The following NIN variants were observed in gnomAD, a reference collection of about 807,000 sequenced individuals.
The protein encoded by NIN is glycogen synthase kinase 3 beta-interacting protein.
Under a neutral mutation model 257.6 loss-of-function variants are expected in NIN, and 137 were observed. The observed-to-expected ratio is 0.53, with a 90% CI of 0.46 to 0.61. NIN has a LOEUF of 0.61. Among genes scored for constraint, NIN ranks in the 20% least tolerant of loss-of-function variants. The probability of loss-of-function intolerance (pLI) is 0.00; values close to 1 mark genes in which losing one functional copy is unlikely to be tolerated. For synonymous variants in NIN, 918 were observed against 919.8 expected, an observed-to-expected ratio of 1.00 and a Z score of 0.04; for missense variants, 2,439 against 2,501.2, an observed-to-expected ratio of 0.98 and a Z score of 0.53.
chr14:50,761,772 T>C lies in NIN; in HGVS notation c.1896+18A>G, dbSNP rs755023703. 64 of 1,613,452 alleles carry C rather than the reference T, an allele frequency of 4.0e-5. 1 individual carries two copies. Among genetic ancestry groups the C allele is most frequent in the Middle Eastern group, 3.3e-4 (2 of 6,082 alleles). ...AGCCAAAAGAAATTAGAGAAGTGGA[T>C]TGGTGGGAAGGACTTACTTTATCTT... On this transcript the variant is annotated intron_variant, in intron 16 of 30. Coordinates refer to ENST00000530997, the MANE Select transcript of NIN (RefSeq NM_020921.4).
intron 5 of NIN, among the ~76,000 whole-genome samples, chr14:50,790,088 T>G (rs1395636408): frequency 6.6e-6 from 1 of 152,192 alleles, no homozygotes; most frequent in East Asian, 1.9e-4. Flanking sequence ...AAGGTCTTGC[T>G]CTGTCACCCA....
At position 50,770,378 on chromosome 14, in the gene NIN, A is replaced by T. The variant is rs1475072431; in HGVS notation, c.1434+10T>A. 4 of 1,613,368 alleles carry T rather than the reference A, an allele frequency of 2.5e-6. No homozygotes were observed. The highest frequency in any genetic ancestry group is 1.7e-4 in the Middle Eastern group (1 of 6,058). On this transcript the variant is annotated intron_variant, in intron 12 of 30. Transcript: ENST00000530997. ...AGGGACGCAGACCACAGAACTAATA[A>T]GATGATTACCTTTAAAGAGAGGGCA...
chr14:50,770,770 C>G, intron 11 of NIN, 82 bp downstream of exon 11: 1 of 1,497,464 alleles, frequency 6.7e-7, no homozygotes, highest in East Asian at 2.3e-5. Flanking sequence ...CCCCAGTGCA[C>G]TGTTCTGCCC....
chr14:50,735,461 T>G (rs2040929792), intron 28 of NIN, 55 bp downstream of exon 28: 3 of 1,585,162 alleles, frequency 1.9e-6, no homozygotes, highest in Middle Eastern at 3.4e-4. Context: ...AACAAATACC[T>G]CATTCATGGA....
intron 8 of NIN, 122 bp downstream of exon 8, chr14:50,772,824 ATTC>A: frequency 2.5e-6 from 2 of 811,910 alleles, no homozygotes; most frequent in Non-Finnish European, 3.9e-6. Flanking sequence ...AGTCTTTCTA[ATTC>A]TTCTTTTGCT....
intron 5 of NIN, among the ~76,000 whole-genome samples, chr14:50,790,526 T>C (rs2043545534): frequency 6.6e-6 from 1 of 152,184 alleles, no homozygotes; most frequent in Non-Finnish European, 1.5e-5. Flanking sequence ...CCTACAGGCA[T>C]TGCTCTGGTG....
chr14:50,792,544 G>A (rs2043643039), intron 5 of NIN, 168 bp downstream of exon 5: 1 of 677,350 alleles, frequency 1.5e-6, no homozygotes. Context: ...TCAAAAGATA[G>A]AAACATTATA....
intron 29 of NIN, among the ~76,000 whole-genome samples, chr14:50,728,770 C>A (rs890426083): frequency 2.0e-5 from 3 of 152,204 alleles, no homozygotes; most frequent in African/African-American, 7.2e-5. Context: ...AGAAATAACT[C>A]TGAATACTTG....
chr14:50,737,743 C>G (rs948930033), intron 27 of NIN, among the ~76,000 whole-genome samples: 8 of 150,970 alleles, frequency 5.3e-5, no homozygotes, highest in Non-Finnish European at 2.9e-5. Context: ...CTCCTGGGTT[C>G]CAGCAATTCT....
chr14:50,724,803 T>C (rs1378003615), intron 30 of NIN, among the ~76,000 whole-genome samples: 2 of 152,168 alleles, frequency 1.3e-5, no homozygotes, highest in Non-Finnish European at 2.9e-5. Flanking sequence ...CTTTCTTAAC[T>C]AGTTGAAATC....
At chr14:50,753,713 T>C (rs185591384) in intron 20 of NIN, among the ~76,000 whole-genome samples, 2 of 152,332 alleles carry the variant, frequency 1.3e-5, no homozygotes, top group African/African-American at 4.8e-5. Context: ...CTCACAGTGC[T>C]ACCACCTTAT....
intron 14 of NIN, 57 bp downstream of exon 14, chr14:50,766,250 A>G (rs2042482106): frequency 1.5e-6 from 2 of 1,329,690 alleles, no homozygotes; most frequent in Admixed American, 1.7e-5. Flanking sequence ...GGAACGGGGA[A>G]GCTGGGGTCT....
intron 5 of NIN, among the ~76,000 whole-genome samples, chr14:50,780,089 C>T (rs1255676756): frequency 2.0e-5 from 3 of 152,140 alleles, no homozygotes; most frequent in East Asian, 1.9e-4. Flanking sequence ...CTCCACTGCC[C>T]GGGGATAGTA....
chr14:50,738,647 G>C (rs979852384), intron 26 of NIN, among the ~76,000 whole-genome samples: 1 of 152,202 alleles, frequency 6.6e-6, no homozygotes, highest in Admixed American at 6.5e-5. Context: ...TGGGCTGACA[G>C]TTCCCATCTG....
rs1461826716 is a variant in NIN at position 50,720,888 on chromosome 14, T to C, written c.*2575A>G. Reference sequence around the variant, plus strand: ...CATCTTCTGAGACGATCTTAAATAATTGTTCTTAAATCAAAAAGTTTGAAA... The same window carrying C: ...CATCTTCTGAGACGATCTTAAATAACTGTTCTTAAATCAAAAAGTTTGAAA... On this transcript the variant is annotated 3_prime_UTR_variant, in exon 31 of 31. Coordinates refer to ENST00000530997, the MANE Select transcript of NIN (RefSeq NM_020921.4). The C allele has an allele frequency of 1.0e-5, 2 of 198,262 alleles. No homozygotes were observed. The highest frequency in any genetic ancestry group is 7.9e-5 in the East Asian group (1 of 12,618). The allele number at this position is 198,262 out of a possible 1,614,324, so 12.3% of individuals were successfully genotyped here.
intron 7 of NIN, 88 bp from the exon 8 acceptor site, chr14:50,773,183 TG>T: frequency 1.9e-6 from 2 of 1,029,766 alleles, no homozygotes; most frequent in Non-Finnish European, 2.9e-6. Context: ...ATCAGTACCA[TG>T]GTTGGTCCCA....
chr14:50,729,090 G>C (rs1251493431), intron 29 of NIN, among the ~76,000 whole-genome samples: 1 of 152,206 alleles, frequency 6.6e-6, no homozygotes, highest in Admixed American at 6.5e-5. Context: ...CTGTGTTTAA[G>C]TGATCCTGAT....
At position 50,741,662 on chromosome 14, in the gene NIN, G is replaced by A. The variant is rs772552024; in HGVS notation, c.5368C>T (p.Arg1790Ter). ...LQMSRMKSDLRVTQQEKEALK... is the reference protein window; with the variant it reads ...LQMSRMKSDL Reference sequence around the variant, plus strand: ...GCCTCCTTTTCCTGCTGAGTCACTCGTAGGTCAGATTTCATCCGGGACATT... The same window carrying A: ...GCCTCCTTTTCCTGCTGAGTCACTCATAGGTCAGATTTCATCCGGGACATT... Residue 1790 changes from arginine (R) to a stop codon, truncating the protein, a stop_gained, in exon 25 of 31, where the codon CGA becomes TGA. Coordinates refer to ENST00000530997, the MANE Select transcript of NIN (RefSeq NM_020921.4). LOFTEE classifies it high-confidence loss of function. 5.6e-6 allele frequency: 9 copies of A among 1,614,064 alleles called. No homozygotes were observed. The highest frequency in any genetic ancestry group is 2.2e-5 in the South Asian group (2 of 91,076).
At chr14:50,820,512 G>T (rs1173085641) in intron 3 of NIN, among the ~76,000 whole-genome samples, 1 of 152,144 alleles carries the variant, frequency 6.6e-6, no homozygotes, top group African/African-American at 2.4e-5. Flanking sequence ...AAAGTACTGA[G>T]ATCCCCAAGG....
Sources: gnomAD v4.1 joint callset for allele counts (sites outside exome capture counted in the v4.1 genomes callset) on GRCh38, gnomAD v4.1.1 for gene constraint, MANE v1.5 for transcripts, NCBI Gene and HGNC (gene_info 2026-07-23, HGNC 2026-07-21) for gene names.